The following KCND2 variants were observed in gnomAD, a reference collection of about 807,000 sequenced individuals.
KCND2 encodes the protein A-type voltage-gated potassium channel KCND2.
Under a neutral mutation model 54.4 loss-of-function variants are expected in KCND2, and 16 were observed. That is an observed-to-expected ratio of 0.29 (90% CI 0.20 to 0.45). The LOEUF (loss-of-function observed/expected upper bound fraction) is 0.45, where lower values mean the gene tolerates loss of function less well. Ranked by LOEUF, KCND2 falls within the 20% of genes least tolerant of loss-of-function variation. The probability of loss-of-function intolerance (pLI) is 1.00; values close to 1 mark genes in which losing one functional copy is unlikely to be tolerated. For synonymous variants in KCND2, 317 were observed against 310.7 expected, an observed-to-expected ratio of 1.02 and a Z score of -0.21; for missense variants, 486 against 824.2, an observed-to-expected ratio of 0.59 and a Z score of 5.02.
chr7:120,649,990 T>C (rs1278293602), intron 1 of KCND2, among the ~76,000 whole-genome samples: 1 of 152,202 alleles, frequency 6.6e-6, no homozygotes, highest in African/African-American at 2.4e-5. Context: ...GATCCGCTGT[T>C]AGTCTGATGG....
At chr7:120,739,820 C>T in intron 2 of KCND2, among the ~76,000 whole-genome samples, 1 of 151,708 alleles carries the variant, frequency 6.6e-6, no homozygotes, top group East Asian at 1.9e-4. Context: ...CACACACACA[C>T]ACACACACAC....
At chr7:120,477,403 CT>C (rs1355892129) in intron 1 of KCND2, among the ~76,000 whole-genome samples, 1 of 152,092 alleles carries the variant, frequency 6.6e-6, no homozygotes, top group African/African-American at 2.4e-5. Context: ...CTTATGGGGA[CT>C]CTTTGTACTG....
At chr7:120,492,559 A>C (rs1296611811) in intron 1 of KCND2, among the ~76,000 whole-genome samples, 1 of 152,040 alleles carries the variant, frequency 6.6e-6, no homozygotes, top group East Asian at 1.9e-4. Flanking sequence ...AGTGTCTGGC[A>C]AAGTCCCACT....
chr7:120,657,486 A>G (rs115773380), intron 1 of KCND2, among the ~76,000 whole-genome samples: 7,632 of 152,218 alleles, frequency 0.05, 335 homozygotes, highest in African/African-American at 0.13. Flanking sequence ...GGTCTAGTTC[A>G]CACAAAAGAT....
At chr7:120,534,722 ACT>A (rs1212492395) in intron 1 of KCND2, among the ~76,000 whole-genome samples, 2 of 151,708 alleles carry the variant, frequency 1.3e-5, no homozygotes, top group African/African-American at 4.8e-5. Flanking sequence ...GTACATACGA[ACT>A]CTCTGTGTTA....
At chr7:120,715,370 A>G (rs1343986633) in intron 1 of KCND2, among the ~76,000 whole-genome samples, 1 of 152,102 alleles carries the variant, frequency 6.6e-6, no homozygotes, top group Non-Finnish European at 1.5e-5. Context: ...TGAAAGAATA[A>G]GAAATATTGC....
At chr7:120,736,618 ATAG>A (rs1199794493) in intron 2 of KCND2, among the ~76,000 whole-genome samples, 9 of 152,024 alleles carry the variant, frequency 5.9e-5, no homozygotes, top group Admixed American at 5.9e-4. Flanking sequence ...TATAATAATC[ATAG>A]TAGTAATTAT....
At chr7:120,608,005 G>A (rs1446880777) in intron 1 of KCND2, among the ~76,000 whole-genome samples, 1 of 84,806 alleles carries the variant, frequency 1.2e-5, no homozygotes, top group Non-Finnish European at 2.4e-5. Flanking sequence ...GCCAGCCTAA[G>A]GAATGTGACT....
At chr7:120,674,490 A>G (rs1792033206) in intron 1 of KCND2, among the ~76,000 whole-genome samples, 1 of 152,218 alleles carries the variant, frequency 6.6e-6, no homozygotes, top group African/African-American at 2.4e-5. Context: ...AAATGAATGA[A>G]TGAATGAATG....
chr7:120,745,261 G>A (rs1296141207), intron 4 of KCND2, among the ~76,000 whole-genome samples: 2 of 152,124 alleles, frequency 1.3e-5, no homozygotes, highest in Non-Finnish European at 2.9e-5. Context: ...TAAAGAAATG[G>A]ATAGTGTCTT....
At chr7:120,638,446 A>G (rs369638975) in intron 1 of KCND2, among the ~76,000 whole-genome samples, 33 of 152,284 alleles carry the variant, frequency 2.2e-4, no homozygotes, top group African/African-American at 7.5e-4. Context: ...ACTAATTAGG[A>G]AAAAGCAAAA....
chr7:120,700,444 A>C (rs905036220), intron 1 of KCND2, among the ~76,000 whole-genome samples: 1 of 152,168 alleles, frequency 6.6e-6, no homozygotes, highest in South Asian at 2.1e-4. Context: ...ACAAAGCCAC[A>C]TTTCTATTTG....
Position 120,274,617 on chromosome 7 carries a change from T to A in KCND2, c.-16T>A, listed in dbSNP as rs2116241604. 6.2e-7 allele frequency: 1 copy of A among 1,614,128 alleles called. No homozygotes were observed. The highest frequency in any genetic ancestry group is 8.5e-7 in the Non-Finnish European group (1 of 1,180,024). ...TAGACGCCTCGTTACCCTTCTTCCTTCCGCTTCAAGTAATCATGGCGGCGG... is the reference window on the plus strand; with the variant it reads ...TAGACGCCTCGTTACCCTTCTTCCTACCGCTTCAAGTAATCATGGCGGCGG... On this transcript the variant is annotated 5_prime_UTR_variant, in exon 1 of 6. Coordinates refer to ENST00000331113, the MANE Select transcript of KCND2 (RefSeq NM_012281.3).
intron 1 of KCND2, among the ~76,000 whole-genome samples, chr7:120,573,252 T>C (rs975494603): frequency 1.3e-5 from 2 of 152,226 alleles, no homozygotes; most frequent in African/African-American, 4.8e-5. Context: ...TACTTTTTTC[T>C]TTTTTGTGTT....
At chr7:120,384,998 CTTTTTTT>C (rs372225817) in intron 1 of KCND2, among the ~76,000 whole-genome samples, 9 of 82,530 alleles carry the variant, frequency 1.1e-4, no homozygotes, top group South Asian at 5.2e-4. Context: ...TTGTATATAA[CTTTTTTT>C]TTTTTTTTTT....
Position 120,561,761 on chromosome 7 carries a change from GCCA to G in KCND2, c.1116-171137_1116-171135del, listed in dbSNP as rs201958733. ...CAAGTAGCTAGGATTACAGGCATGT[GCCA>G]CCACATCTGACTAATTTTTTTGTAT... On this transcript the variant is annotated intron_variant, in intron 1 of 5. Coordinates refer to ENST00000331113, the MANE Select transcript of KCND2 (RefSeq NM_012281.3). Among the ~76,000 whole-genome samples the G allele has an allele frequency of 2.3e-3, 355 of 152,038 alleles. 6 individuals are homozygous for G. In the East Asian group the frequency reaches 0.04, roughly 17 times the overall value.
intron 1 of KCND2, among the ~76,000 whole-genome samples, chr7:120,465,786 T>C (rs776587011): frequency 2.6e-5 from 4 of 152,148 alleles, no homozygotes; most frequent in Non-Finnish European, 4.4e-5. Context: ...ATTTAAAGTC[T>C]TAAGTATGAA....
intron 1 of KCND2, among the ~76,000 whole-genome samples, chr7:120,286,297 A>G (rs905391082): frequency 6.6e-6 from 1 of 151,970 alleles, no homozygotes; most frequent in African/African-American, 2.4e-5. Flanking sequence ...ATACACCAAT[A>G]CAAAAATGTA....
chr7:120,665,712 G>A (rs1044000484), intron 1 of KCND2, among the ~76,000 whole-genome samples: 3 of 151,966 alleles, frequency 2.0e-5, no homozygotes, highest in Non-Finnish European at 4.4e-5. Context: ...TTCTCTTTAC[G>A]ATAATTGACT....
Sources: allele counts gnomAD v4.1 joint callset (sites outside exome capture counted in the v4.1 genomes callset), GRCh38; gene constraint gnomAD v4.1.1; transcripts MANE v1.5; gene names NCBI Gene and HGNC (gene_info 2026-07-23, HGNC 2026-07-21).